Variants in KLHL3 observed in about 807,000 individuals in gnomAD.
KLHL3 encodes the protein kelch like family member 3.
In KLHL3, 19 loss-of-function variants were observed where a neutral mutation model predicts 70.5. The observed-to-expected ratio is 0.27, with a 90% CI of 0.19 to 0.40. The LOEUF is 0.40. KLHL3 is among the 10% of genes least tolerant of loss of function. KLHL3 has a pLI of 1.00. For missense variants in KLHL3, 512 were observed against 771.1 expected (o/e 0.66, Z 3.98); for synonymous variants, 258 against 290.3 (o/e 0.89, Z 1.13).
At position 137,627,480 on chromosome 5, in the gene KLHL3, C is replaced by CT. The variant is rs1561580734; in HGVS notation, c.1591+816_1591+817insA. 1.6e-5 allele frequency among the ~76,000 whole-genome samples: 2 copies of CT among 122,614 alleles called. 1 individual carries two copies. The highest frequency in any genetic ancestry group is 6.4e-4 in the South Asian group (2 of 3,118). The allele number at this position is 122,614 out of a possible 152,430, so 80.4% of individuals were successfully genotyped here. A position where few individuals can be genotyped will look rare whatever the true frequency, so the allele number is the denominator to read the frequency against. Reference sequence around the variant, plus strand: ...GAGTAAATTAGTAAATATCACCACCCCCCCCCCCGGTTTACACTTCCAAGT... The same window carrying CT: ...GAGTAAATTAGTAAATATCACCACCCTCCCCCCCCGGTTTACACTTCCAAGT... On this transcript the variant is annotated intron_variant, in intron 13 of 14. Transcript: ENST00000309755.
Position 137,622,091 on chromosome 5 carries a change from G to A in KLHL3, c.*7C>T. On this transcript the variant is annotated 3_prime_UTR_variant, in exon 15 of 15. Transcript: ENST00000309755. ...CTTCCTCCACCTCCTGGCAGTAGGA[G>A]TTTGGGTCACAAGGACTTGTGAATC... is the stretch of plus-strand genomic sequence containing the variant. The A allele has an allele frequency of 6.2e-7, 1 of 1,614,196 alleles. No homozygotes were observed. The highest frequency in any genetic ancestry group is 1.1e-5 in the South Asian group (1 of 91,082).
intron 5 of KLHL3, among the ~76,000 whole-genome samples, chr5:137,679,826 G>C (rs1044961899): frequency 2.6e-5 from 4 of 152,190 alleles, no homozygotes; most frequent in African/African-American, 9.7e-5. Flanking sequence ...GTATCTGGTG[G>C]GGAAGGGGCA....
intron 6 of KLHL3, 97 bp downstream of exon 6, chr5:137,677,448 A>G: frequency 1.5e-6 from 1 of 669,024 alleles, no homozygotes; most frequent in Non-Finnish European, 2.5e-6. Context: ...ACTCCATCTC[A>G]AAAAAAAAGA....
chr5:137,628,599 A>G, intron 12 of KLHL3, 162 bp from the exon 13 acceptor site: 5 of 616,692 alleles, frequency 8.1e-6, no homozygotes, highest in Non-Finnish European at 1.3e-5. Flanking sequence ...AACAAATATA[A>G]TGACACCCTA....
chr5:137,671,985 C>T (rs1295540261), intron 6 of KLHL3: 1 of 152,118 alleles, frequency 6.6e-6, no homozygotes, highest in Non-Finnish European at 1.5e-5. Context: ...GTGAAACATA[C>T]CTGGAGAACA....
intron 8 of KLHL3, among the ~76,000 whole-genome samples, chr5:137,644,565 T>A (rs1750995786): frequency 6.6e-6 from 1 of 152,150 alleles, no homozygotes; most frequent in African/African-American, 2.4e-5. Context: ...ATATGGTAGT[T>A]CTACTTTTAA....
chr5:137,722,811 C>T (rs1356639900), intron 1 of KLHL3, among the ~76,000 whole-genome samples: 2 of 152,054 alleles, frequency 1.3e-5, no homozygotes, highest in Non-Finnish European at 2.9e-5. Flanking sequence ...GGATTACAGG[C>T]GTGCACCACC....
chr5:137,718,470 C>T (rs1486286284), intron 2 of KLHL3, among the ~76,000 whole-genome samples: 2 of 152,084 alleles, frequency 1.3e-5, no homozygotes, highest in Non-Finnish European at 2.9e-5. Context: ...TGCACTCCAG[C>T]CTAAGTGACA....
Position 137,639,167 on chromosome 5 carries a change from C to T in KLHL3, c.1022-17G>A. ...ACACCACACCTGAGGCACAGGAAAC[C>T]AAGACATCAAGGTCAGGTCAGGCGC... On this transcript the variant is annotated splice_polypyrimidine_tract_variant and intron_variant, in intron 9 of 14. Coordinates refer to ENST00000309755, the MANE Select transcript of KLHL3 (RefSeq NM_017415.3). The surrounding 1 kb of genome is among the most constrained non-coding windows in gnomAD (Gnocchi z 5.0). 6.2e-7 allele frequency: 1 copy of T among 1,612,018 alleles called. No homozygotes were observed. The highest frequency in any genetic ancestry group is 2.2e-5 in the East Asian group (1 of 44,784).
chr5:137,664,783 A>G (rs549828058), intron 6 of KLHL3, among the ~76,000 whole-genome samples: 3 of 152,086 alleles, frequency 2.0e-5, no homozygotes, highest in Admixed American at 2.0e-4. Context: ...ATGCCACTGC[A>G]CTCCAGCCCG....
chr5:137,671,330 C>A (rs574339313), intron 6 of KLHL3, among the ~76,000 whole-genome samples: 5 of 152,148 alleles, frequency 3.3e-5, no homozygotes, highest in Non-Finnish European at 7.4e-5. Flanking sequence ...TCCTATACAA[C>A]AACCTGGAAT....
At chr5:137,697,552 A>G (rs1580770351) in intron 4 of KLHL3, among the ~76,000 whole-genome samples, 1 of 152,330 alleles carries the variant, frequency 6.6e-6, no homozygotes, top group Middle Eastern at 3.4e-3. Context: ...CCAAACAATG[A>G]GGTTCAGAGA....
Position 137,692,402 on chromosome 5 carries a change from G to T in KLHL3, c.409C>A (p.Gln137Lys). ...ASLLQLMDVR[Q>K]NCCDFLQSQL... ...GACTGCAGGAAGTCACAGCAGTTCT[G>T]CCGAACATCCATGAGCTGCAGCAAG... The change falls in exon 5 of 15, where the codon CAG becomes AAG. Residue 137 changes from glutamine (Q) to lysine (K), a missense_variant. Physicochemically the swap from Gln to Lys is moderately conservative, Grantham distance 53. Coordinates refer to ENST00000309755, the MANE Select transcript of KLHL3 (RefSeq NM_017415.3). 6.2e-7 allele frequency: 1 copy of T among 1,614,064 alleles called. No individual in the cohort carries two copies. Among genetic ancestry groups the T allele is most frequent in the Non-Finnish European group, 8.5e-7 (1 of 1,180,044 alleles).
intron 5 of KLHL3, among the ~76,000 whole-genome samples, chr5:137,685,554 T>C (rs934271919): frequency 1.3e-5 from 2 of 152,264 alleles, no homozygotes; most frequent in African/African-American, 4.8e-5. Context: ...TATACCTCTA[T>C]GTACTGCTTG....
At chr5:137,700,021 C>A (rs1752534443) in intron 3 of KLHL3, among the ~76,000 whole-genome samples, 1 of 152,230 alleles carries the variant, frequency 6.6e-6, no homozygotes. Flanking sequence ...GCTCCCTTAA[C>A]TGCCAGATCA....
chr5:137,708,911 G>A (rs1386817168), intron 3 of KLHL3, among the ~76,000 whole-genome samples: 4 of 152,198 alleles, frequency 2.6e-5, no homozygotes, highest in Admixed American at 6.5e-5. Flanking sequence ...AAAGCATGTA[G>A]AAGGGACACC....
chr5:137,703,214 C>T (rs1219542326), intron 3 of KLHL3, among the ~76,000 whole-genome samples: 1 of 152,130 alleles, frequency 6.6e-6, no homozygotes, highest in Admixed American at 6.5e-5. Flanking sequence ...TCACAGAATA[C>T]CTTCTTGCTC....
intron 10 of KLHL3, among the ~76,000 whole-genome samples, chr5:137,637,744 C>A (rs1750806770): frequency 6.6e-6 from 1 of 152,230 alleles, no homozygotes; most frequent in Non-Finnish European, 1.5e-5. Context: ...AATCCCCTTT[C>A]CCCCAGCTTC....
At chr5:137,677,802 A>G (rs1751923191) in intron 5 of KLHL3, 148 bp from the exon 6 acceptor site, 1 of 496,926 alleles carries the variant, frequency 2.0e-6, no homozygotes, top group South Asian at 3.5e-5. Context: ...AGACAGAGAC[A>G]TCATGGCTGG....
Sources: gnomAD v4.1 joint callset for allele counts (sites outside exome capture counted in the v4.1 genomes callset) on GRCh38, gnomAD v4.1.1 for gene constraint, Gnocchi (gnomAD v3.1) non-coding constraint, MANE v1.5 for transcripts, NCBI Gene and HGNC (gene_info 2026-07-23, HGNC 2026-07-21) for gene names.